PLCZ1: variants seen among roughly 807,000 people sequenced by gnomAD.
The protein encoded by PLCZ1 is phospholipase C zeta 1.
In PLCZ1, 64 loss-of-function variants were observed where a neutral mutation model predicts 76.8. The ratio of observed to expected loss-of-function variants is 0.83; its 90% CI spans 0.68 to 1.03. The LOEUF (loss-of-function observed/expected upper bound fraction) is 1.03. Ranked by LOEUF, PLCZ1 falls within the 50% of genes least tolerant of loss-of-function variation. The probability of loss-of-function intolerance (pLI) is 0.00; values close to 1 mark genes in which losing one functional copy is unlikely to be tolerated. For synonymous variants in PLCZ1, 248 were observed against 230.8 expected (o/e 1.07, Z -0.68); for missense variants, 751 against 713.7 (o/e 1.05, Z -0.60).
chr12:18,667,043 C>T, the PLCZ1 span, among the ~76,000 whole-genome samples: 1 of 152,110 alleles, frequency 6.6e-6, no homozygotes, highest in African/African-American at 2.4e-5. Flanking sequence ...TATCACCAGA[C>T]AGAGTGCATC....
chr12:18,658,765 A>G, the PLCZ1 span, among the ~76,000 whole-genome samples: 59,127 of 151,760 alleles, frequency 0.39, 11,682 homozygotes, highest in East Asian at 0.56. Flanking sequence ...TTTCACAGAG[A>G]GTAAAAAGGG....
downstream of PLCZ1, chr12:18,683,104 A>T: frequency 1.3e-6 from 1 of 775,314 alleles, no homozygotes. Context: ...GTATATTTTT[A>T]AGTGAATGGG....
chr12:18,719,294 AAAAAT>A, intron 5 of PLCZ1, 132 bp downstream of exon 5: 1 of 464,676 alleles, frequency 2.2e-6, no homozygotes, highest in East Asian at 3.5e-5. Context: ...ATGTACAAGT[AAAAAT>A]TTCTATTCCC....
At chr12:18,680,750 G>C (rs994113256), downstream of PLCZ1, among the ~76,000 whole-genome samples, 1 of 152,158 alleles carries the variant, frequency 6.6e-6, no homozygotes, top group Non-Finnish European at 1.5e-5. Context: ...AAGCCATAGG[G>C]CATCTCAGTA....
downstream of PLCZ1, among the ~76,000 whole-genome samples, chr12:18,681,753 T>C (rs950731275): frequency 2.0e-5 from 3 of 152,054 alleles, no homozygotes; most frequent in East Asian, 5.8e-4. Flanking sequence ...ATTAGTGAGA[T>C]AAGTTTGGTA....
At chr12:18,659,718 C>A in the PLCZ1 span, among the ~76,000 whole-genome samples, 12 of 144,156 alleles carry the variant, frequency 8.3e-5, no homozygotes, top group African/African-American at 2.5e-4. Flanking sequence ...CACATGTGCA[C>A]AACGTGCAGG....
At chr12:18,696,322 C>CTATATATATATATATATATCATA (rs1954991567) in intron 10 of PLCZ1, 56 bp from the exon 11 acceptor site, 1 of 253,072 alleles carries the variant, frequency 4.0e-6, no homozygotes, top group Non-Finnish European at 6.8e-6. Flanking sequence ...TAAAAAGCCA[C>CTATATATATATATATATATCATA]TATATATATA....
At chr12:18,649,032 A>T in the PLCZ1 span, among the ~76,000 whole-genome samples, 3,199 of 152,164 alleles carry the variant, frequency 0.021, 128 homozygotes, top group African/African-American at 0.073. Flanking sequence ...TGAGTATGTG[A>T]TATGAGCTGA....
the PLCZ1 span, among the ~76,000 whole-genome samples, chr12:18,650,369 G>C: frequency 4.6e-4 from 61 of 133,872 alleles, no homozygotes; most frequent in Middle Eastern, 4.1e-3. Flanking sequence ...GTGTGTGTGT[G>C]TGTGTGTCTG....
At chr12:18,646,170 A>T in the PLCZ1 span, among the ~76,000 whole-genome samples, 3 of 152,206 alleles carry the variant, frequency 2.0e-5, no homozygotes, top group Non-Finnish European at 2.9e-5. Flanking sequence ...AACTCAATAG[A>T]TGAAATGAAA....
rs1209305814 is a variant in PLCZ1 at position 18,719,646 on chromosome 12, A to G, written c.368-14T>C. On this transcript the variant is annotated splice_polypyrimidine_tract_variant and intron_variant, in intron 4 of 14. Transcript: ENST00000266505. ...GTGCTTTCCTAACTAAAAAAATAAA[A>G]TAAAATAAGTTAAAAGGATGCAAAA... 7 of 1,551,500 alleles carry G rather than the reference A, an allele frequency of 4.5e-6. No individual in the cohort carries two copies. The highest frequency in any genetic ancestry group is 6.1e-6 in the Non-Finnish European group (7 of 1,139,044).
chr12:18,666,321 C>G, the PLCZ1 span, among the ~76,000 whole-genome samples: 5 of 151,888 alleles, frequency 3.3e-5, no homozygotes, highest in African/African-American at 4.8e-5. Context: ...TTAAGAAGCA[C>G]GATCCAATTA....
At chr12:18,665,629 C>A in the PLCZ1 span, among the ~76,000 whole-genome samples, 23 of 152,104 alleles carry the variant, frequency 1.5e-4, no homozygotes, top group African/African-American at 5.5e-4. Context: ...CCTGTCTGTA[C>A]TGAAAATACA....
intron 6 of PLCZ1, among the ~76,000 whole-genome samples, chr12:18,708,514 G>T (rs921632326): frequency 6.6e-5 from 10 of 152,018 alleles, no homozygotes; most frequent in Non-Finnish European, 1.2e-4. Flanking sequence ...ATTCCCTTTG[G>T]GTATGTACCC....
chr12:18,687,964 G>A, intron 13 of PLCZ1, 125 bp downstream of exon 13: 1 of 1,273,066 alleles, frequency 7.9e-7, no homozygotes, highest in Non-Finnish European at 1.1e-6. Flanking sequence ...TGCTAATTTT[G>A]GACATAATGG....
At chr12:18,685,282 C>A (rs749573466) in intron 13 of PLCZ1, among the ~76,000 whole-genome samples, 2 of 151,940 alleles carry the variant, frequency 1.3e-5, no homozygotes, top group Non-Finnish European at 2.9e-5. Flanking sequence ...TTCTGCCAAG[C>A]AAGAAATCCA....
chr12:18,717,052 A>T (rs1450718637), intron 5 of PLCZ1, among the ~76,000 whole-genome samples: 2 of 152,182 alleles, frequency 1.3e-5, no homozygotes, highest in African/African-American at 4.8e-5. Flanking sequence ...ACTAGTCACA[A>T]GGAAAAATAT....
rs373674204 is a variant in PLCZ1 at position 18,737,385 on chromosome 12, G to T, written c.-14C>A. 51 of 1,613,690 alleles carry T rather than the reference G, an allele frequency of 3.2e-5. No individual in the cohort carries two copies. The African/African-American group carries it at 6.1e-4, about 19-fold the overall frequency. ...TCTCATTTCCATAGTTTCATGACCTGTAGAGCCGTTTCTCCTCACTTAGAA... is the reference window on the plus strand; with the variant it reads ...TCTCATTTCCATAGTTTCATGACCTTTAGAGCCGTTTCTCCTCACTTAGAA... On this transcript the variant is annotated 5_prime_UTR_variant, in exon 2 of 15. The change creates a premature stop within an existing upstream ORF in the 5' untranslated region. Transcript: ENST00000266505.
intron 10 of PLCZ1, 64 bp from the exon 11 acceptor site, chr12:18,696,330 A>ATATATATATATATATATG (rs1592072864): frequency 1.8e-5 from 1 of 54,098 alleles, no homozygotes; most frequent in East Asian, 6.3e-4. Flanking sequence ...CACTATATAT[A>ATATATATATATATATATG]TATATATATA....
Sources: gnomAD v4.1 joint callset for allele counts (sites outside exome capture counted in the v4.1 genomes callset) on GRCh38, gnomAD v4.1.1 for gene constraint, MANE v1.5 for transcripts, NCBI Gene and HGNC (gene_info 2026-07-23, HGNC 2026-07-21) for gene names.